Variants in TANGO6 observed in about 807,000 individuals in gnomAD.
The protein encoded by TANGO6 is transport and Golgi organization protein 6 homolog.
A neutral mutation model predicts 114.2 loss-of-function variants in TANGO6; 90 were observed. The ratio of observed to expected loss-of-function variants is 0.79; its 90% CI spans 0.66 to 0.94. The LOEUF (loss-of-function observed/expected upper bound fraction) is 0.94. Ranked by LOEUF, TANGO6 falls within the 40% of genes least tolerant of loss-of-function variation. The pLI is 0.00. For synonymous variants in TANGO6, 477 were observed against 509.8 expected (o/e 0.94, Z 0.87); for missense variants, 1,274 against 1,315.3 (o/e 0.97, Z 0.49).
chr16:68,909,552 C>T (rs1296005224), intron 11 of TANGO6, 150 bp downstream of exon 11: 16 of 654,890 alleles, frequency 2.4e-5, no homozygotes, highest in Admixed American at 4.3e-5. Flanking sequence ...ACAGCCCACA[C>T]CAGGCCACTG....
intron 15 of TANGO6, among the ~76,000 whole-genome samples, chr16:69,003,554 T>C (rs1394796462): frequency 6.6e-6 from 1 of 152,224 alleles, no homozygotes; most frequent in Non-Finnish European, 1.5e-5. Flanking sequence ...TAAAAGCCAG[T>C]ATTTCTTTCA....
intron 14 of TANGO6, among the ~76,000 whole-genome samples, chr16:68,958,007 A>C (rs547172668): frequency 1.3e-5 from 2 of 151,868 alleles, no homozygotes; most frequent in Non-Finnish European, 2.9e-5. Context: ...CCCCGTTTCC[A>C]CTAAAAATAC....
At chr16:69,041,561 G>A (rs1252391752) in intron 17 of TANGO6, among the ~76,000 whole-genome samples, 1 of 152,076 alleles carries the variant, frequency 6.6e-6, no homozygotes, top group Non-Finnish European at 1.5e-5. Flanking sequence ...CAGGGACTCA[G>A]TAGTTATCCC....
chr16:68,887,441 A>G (rs987949028), intron 7 of TANGO6, among the ~76,000 whole-genome samples: 3 of 152,232 alleles, frequency 2.0e-5, no homozygotes, highest in African/African-American at 7.2e-5. Context: ...GCACAATGAC[A>G]AGAGAATGCC....
chr16:69,069,180 G>A (rs906940422), intron 17 of TANGO6, among the ~76,000 whole-genome samples: 5 of 152,156 alleles, frequency 3.3e-5, no homozygotes, highest in African/African-American at 1.2e-4. Context: ...CACTCAGTTT[G>A]CCTGCCTCCT....
chr16:68,894,763 A>T (rs373434135), intron 7 of TANGO6, among the ~76,000 whole-genome samples: 1 of 151,952 alleles, frequency 6.6e-6, no homozygotes, highest in East Asian at 1.9e-4. Context: ...ACCATTTGAA[A>T]TGGTATAATT....
intron 16 of TANGO6, among the ~76,000 whole-genome samples, chr16:69,036,379 A>C (rs1475332259): frequency 6.6e-6 from 1 of 152,198 alleles, no homozygotes; most frequent in Non-Finnish European, 1.5e-5. Flanking sequence ...CCGTAAGACC[A>C]TATTAAAATT....
At position 69,040,368 on chromosome 16, in the gene TANGO6, G is replaced by GTGATTGTA; in HGVS notation, c.3055_3056insTGATTGTA (p.Ala1019ValfsTer23). Reference sequence around the variant, plus strand: ...TGGTGAAGTTCAAGTACGCAGAGCTGCCATACATGTGGTTGTGCTGCTGCT... The same window carrying GTGATTGTA: ...TGGTGAAGTTCAAGTACGCAGAGCTGTGATTGTACCATACATGTGGTTGTGCTGCTGCT... On this transcript the variant is annotated frameshift_variant, in exon 17 of 18. Transcript: ENST00000261778. LOFTEE classifies it high-confidence loss of function. 6.2e-7 allele frequency: 1 copy of GTGATTGTA among 1,609,588 alleles called. No homozygotes were observed. Among genetic ancestry groups the GTGATTGTA allele is most frequent in the Non-Finnish European group, 8.5e-7 (1 of 1,178,238 alleles).
At chr16:68,947,407 T>C (rs1963425612) in intron 14 of TANGO6, among the ~76,000 whole-genome samples, 1 of 151,904 alleles carries the variant, frequency 6.6e-6, no homozygotes. Flanking sequence ...TGAGCCAAGA[T>C]TGTGCCACTG....
At chr16:68,897,969 A>G (rs964441607) in intron 7 of TANGO6, among the ~76,000 whole-genome samples, 1 of 152,160 alleles carries the variant, frequency 6.6e-6, no homozygotes, top group Non-Finnish European at 1.5e-5. Flanking sequence ...TGGCCCTATC[A>G]AGCCAGTAAA....
chr16:69,035,210 G>C (rs969129742), intron 16 of TANGO6: 1 of 152,190 alleles, frequency 6.6e-6, no homozygotes, highest in Non-Finnish European at 1.5e-5. Flanking sequence ...GCCTGAGATA[G>C]ATGTTCTGGG....
At chr16:69,011,564 C>T (rs553412455) in intron 15 of TANGO6, among the ~76,000 whole-genome samples, 50 of 152,148 alleles carry the variant, frequency 3.3e-4, no homozygotes, top group African/African-American at 1.2e-3. Flanking sequence ...AAGTCCTCCT[C>T]CCACCTCAGC....
At chr16:68,963,420 T>A (rs1963614194) in intron 14 of TANGO6, among the ~76,000 whole-genome samples, 1 of 152,220 alleles carries the variant, frequency 6.6e-6, no homozygotes, top group Non-Finnish European at 1.5e-5. Context: ...CCCAGCCCCT[T>A]GCCCTACTTT....
At chr16:68,860,619 T>G in intron 2 of TANGO6, 95 bp downstream of exon 2, 1 of 1,459,370 alleles carries the variant, frequency 6.9e-7, no homozygotes, top group South Asian at 1.3e-5. Context: ...CAACTCTTAG[T>G]TCTTCAGAAC....
chr16:68,890,579 T>C (rs548008880), intron 7 of TANGO6, among the ~76,000 whole-genome samples: 3 of 152,334 alleles, frequency 2.0e-5, no homozygotes, highest in South Asian at 4.1e-4. Context: ...TGGAAGTCTA[T>C]GAAATGAGAA....
intron 15 of TANGO6, among the ~76,000 whole-genome samples, chr16:69,004,278 C>T (rs1349717728): frequency 6.6e-6 from 1 of 152,076 alleles, no homozygotes; most frequent in African/African-American, 2.4e-5. Flanking sequence ...TAGCTTTTAT[C>T]TTGAAACTCT....
Position 69,030,866 on chromosome 16 carries a change from A to G in TANGO6, c.2994+7887A>G, listed in dbSNP as rs1360690651. On this transcript the variant is annotated intron_variant, in intron 16 of 17. Transcript: ENST00000261778. Reference sequence around the variant, plus strand: ...AGAGATCGAGACCATCCTGGCCAACATGGTGAAACCCCGTCTCTACTAAAA... The same window carrying G: ...AGAGATCGAGACCATCCTGGCCAACGTGGTGAAACCCCGTCTCTACTAAAA... 7.9e-5 allele frequency among the ~76,000 whole-genome samples: 12 copies of G among 151,662 alleles called. 1 individual carries two copies. The highest frequency in any genetic ancestry group is 1.8e-4 in the Non-Finnish European group (12 of 67,972).
chr16:69,014,373 A>G (rs1200966816), intron 15 of TANGO6, among the ~76,000 whole-genome samples: 1 of 151,894 alleles, frequency 6.6e-6, no homozygotes, highest in African/African-American at 2.4e-5. Context: ...TTCCTTCACA[A>G]CTCCTTGTCC....
intron 17 of TANGO6, among the ~76,000 whole-genome samples, chr16:69,073,527 C>T (rs985526817): frequency 6.6e-6 from 1 of 152,186 alleles, no homozygotes; most frequent in African/African-American, 2.4e-5. Flanking sequence ...GACAGAGGCC[C>T]ATAGTACTGA....
Sources: gnomAD v4.1 joint callset for allele counts (sites outside exome capture counted in the v4.1 genomes callset) on GRCh38, gnomAD v4.1.1 for gene constraint, MANE v1.5 for transcripts, NCBI Gene and HGNC (gene_info 2026-07-23, HGNC 2026-07-21) for gene names.